Variants in SEMA3D observed in about 807,000 individuals in gnomAD.
The protein encoded by SEMA3D is semaphorin 3D, also known as semaphorin-3D.
In SEMA3D, 84 loss-of-function variants were observed where a neutral mutation model predicts 100.1. The ratio of observed to expected loss-of-function variants is 0.84; its 90% confidence interval spans 0.70 to 1.01. SEMA3D has a LOEUF of 1.01. Among genes scored for constraint, SEMA3D ranks in the 50% least tolerant of loss-of-function variants. The pLI, the probability that SEMA3D is intolerant of heterozygous loss-of-function variation, is 0.00. For missense variants in SEMA3D, 875 were observed against 934.1 expected (o/e 0.94, Z 0.82); for synonymous variants, 312 against 320.7 (o/e 0.97, Z 0.29).
At chr7:85,042,538 C>T (rs1329789286) in intron 9 of SEMA3D, among the ~76,000 whole-genome samples, 1 of 149,904 alleles carries the variant, frequency 6.7e-6, no homozygotes, top group Non-Finnish European at 1.5e-5. Flanking sequence ...GCATACAAGG[C>T]AATGGTAAAG....
chr7:85,078,516 C>T (rs1009091496), intron 5 of SEMA3D, among the ~76,000 whole-genome samples: 2 of 152,156 alleles, frequency 1.3e-5, no homozygotes, highest in Admixed American at 1.3e-4. Context: ...TTGGAGTAAG[C>T]TGTTTAACCC....
At chr7:85,028,071 A>G (rs1055731847) in intron 12 of SEMA3D, 2 of 608,542 alleles carry the variant, frequency 3.3e-6, no homozygotes, top group East Asian at 3.4e-5. Flanking sequence ...TGATGATGCC[A>G]TTGTCCAGTT....
intron 8 of SEMA3D, among the ~76,000 whole-genome samples, chr7:85,062,147 G>T (rs574885347): frequency 6.6e-6 from 1 of 152,270 alleles, no homozygotes; most frequent in African/African-American, 2.4e-5. Flanking sequence ...TCTCACCTCC[G>T]CTAGCTGTTT....
At chr7:85,059,930 G>C (rs1054134942) in intron 8 of SEMA3D, among the ~76,000 whole-genome samples, 4 of 152,134 alleles carry the variant, frequency 2.6e-5, no homozygotes, top group African/African-American at 9.7e-5. Context: ...GTGTTGACAG[G>C]TATGGCTATT....
In SEMA3D at chr7:85,096,147, A is replaced by AT. The variant is rs200811279; in HGVS notation, c.312+1657dup. Among the ~76,000 whole-genome samples the AT allele has an allele frequency of 3.3e-3, 501 of 152,050 alleles. 3 individuals carry two copies. Among genetic ancestry groups the AT allele is most frequent in the African/African-American group, 0.011 (476 of 41,538 alleles). ...AAGCAAAATTGCAAAGTTAGCTAAG[A>AT]TTTTTTTCCTTGGCCACTTTCATAA... On this transcript the variant is annotated intron_variant, in intron 4 of 18. Coordinates refer to ENST00000284136, the MANE Select transcript of SEMA3D (RefSeq NM_001384900.1).
At chr7:85,004,397 G>T (rs1299186122) in intron 18 of SEMA3D, among the ~76,000 whole-genome samples, 4 of 152,094 alleles carry the variant, frequency 2.6e-5, no homozygotes, top group Non-Finnish European at 5.9e-5. Context: ...AATGCACAGA[G>T]AAAATATAGT....
chr7:85,061,352 G>T (rs1791472920), intron 8 of SEMA3D, among the ~76,000 whole-genome samples: 1 of 152,142 alleles, frequency 6.6e-6, no homozygotes, highest in Non-Finnish European at 1.5e-5. Context: ...GTGGTTAGCT[G>T]ATCTCACTCT....
intron 3 of SEMA3D, among the ~76,000 whole-genome samples, chr7:85,115,988 A>T (rs571490117): frequency 1.1e-3 from 162 of 152,110 alleles, no homozygotes; most frequent in Non-Finnish European, 1.7e-3. Context: ...TCAGTGTTTC[A>T]TGTTTTTAGC....
At chr7:85,190,089 C>A (rs1562850536), upstream of SEMA3D, among the ~76,000 whole-genome samples, 1 of 152,022 alleles carries the variant, frequency 6.6e-6, no homozygotes, top group Admixed American at 6.5e-5. Context: ...TTAAATCTAG[C>A]AGAAGATTTG....
chr7:85,177,832 T>C, intron 1 of SEMA3D, among the ~76,000 whole-genome samples: 1 of 152,168 alleles, frequency 6.6e-6, no homozygotes, highest in East Asian at 1.9e-4. Flanking sequence ...AACATAAGCA[T>C]TAAGTTGAAA....
At chr7:85,138,934 T>G (rs1394689261) in intron 2 of SEMA3D, among the ~76,000 whole-genome samples, 1 of 151,932 alleles carries the variant, frequency 6.6e-6, no homozygotes, top group Admixed American at 6.6e-5. Flanking sequence ...ATGCTCTGGC[T>G]TTCTATTGGA....
chr7:85,112,952 T>C (rs764054065), intron 3 of SEMA3D, among the ~76,000 whole-genome samples: 1 of 152,174 alleles, frequency 6.6e-6, no homozygotes, highest in Non-Finnish European at 1.5e-5. Flanking sequence ...ATATGGTAAA[T>C]ACTAGATGAG....
intron 18 of SEMA3D, 126 bp downstream of exon 18, chr7:85,006,676 G>T: frequency 1.4e-6 from 1 of 698,622 alleles, no homozygotes; most frequent in African/African-American, 1.8e-5. Context: ...TGGTGTTAGT[G>T]AGTAAAACCT....
intron 4 of SEMA3D, among the ~76,000 whole-genome samples, chr7:85,087,489 A>G (rs1406939694): frequency 6.6e-6 from 1 of 152,200 alleles, no homozygotes; most frequent in Non-Finnish European, 1.5e-5. Flanking sequence ...GAAGAACCTA[A>G]GAATTCCTCT....
At chr7:85,131,157 A>C (rs1422603573) in intron 2 of SEMA3D, among the ~76,000 whole-genome samples, 1 of 152,158 alleles carries the variant, frequency 6.6e-6, no homozygotes, top group African/African-American at 2.4e-5. Flanking sequence ...TTTAAAGACA[A>C]TTCATGATTA....
intron 9 of SEMA3D, among the ~76,000 whole-genome samples, chr7:85,050,968 C>A (rs1264410247): frequency 6.6e-6 from 1 of 151,804 alleles, no homozygotes; most frequent in Non-Finnish European, 1.5e-5. Context: ...TGCATGTGTG[C>A]ATATGTGTGA....
chr7:85,198,057 A>G, the SEMA3D span, among the ~76,000 whole-genome samples: 1 of 152,208 alleles, frequency 6.6e-6, no homozygotes, highest in African/African-American at 2.4e-5. Context: ...TCTCATTTAT[A>G]GGAATAAACA....
intron 12 of SEMA3D, among the ~76,000 whole-genome samples, chr7:85,031,056 T>A (rs1162399582): frequency 6.6e-6 from 1 of 152,036 alleles, no homozygotes; most frequent in Non-Finnish European, 1.5e-5. Flanking sequence ...CCTTTTGCAT[T>A]CTTGCTTTTC....
intron 9 of SEMA3D, among the ~76,000 whole-genome samples, chr7:85,044,460 T>C (rs1324908740): frequency 6.6e-6 from 1 of 152,160 alleles, no homozygotes; most frequent in East Asian, 1.9e-4. Context: ...TTATTTGTTC[T>C]TTAGGTTTAT....
Sources: gnomAD v4.1 joint callset for allele counts (sites outside exome capture counted in the v4.1 genomes callset) on GRCh38, gnomAD v4.1.1 for gene constraint, MANE v1.5 for transcripts, NCBI Gene and HGNC (gene_info 2026-07-23, HGNC 2026-07-21) for gene names.